Variants in TRIM33 observed in about 807,000 individuals in gnomAD.
TRIM33 encodes tripartite motif containing 33, also known as E3 ubiquitin-protein ligase TRIM33.
A neutral mutation model predicts 125.4 loss-of-function variants in TRIM33; 20 were observed. That is an observed-to-expected ratio of 0.16 (90% CI 0.11 to 0.23). The LOEUF is 0.23. Ranked by LOEUF, TRIM33 falls within the 10% of genes least tolerant of loss-of-function variation. TRIM33 has a pLI of 1.00. For synonymous variants in TRIM33, 564 were observed against 513.9 expected (o/e 1.10, Z -1.32); for missense variants, 920 against 1,411.4 (o/e 0.65, Z 5.58).
At chr1:114,403,379 T>G (rs1410348300) in intron 15 of TRIM33, among the ~76,000 whole-genome samples, 2 of 152,020 alleles carry the variant, frequency 1.3e-5, no homozygotes, top group Non-Finnish European at 2.9e-5. Flanking sequence ...TATATATACC[T>G]CCTTTTTTTT....
chr1:114,400,667 C>A (rs1440450839), intron 17 of TRIM33, among the ~76,000 whole-genome samples: 2 of 152,198 alleles, frequency 1.3e-5, no homozygotes, highest in Non-Finnish European at 2.9e-5. Flanking sequence ...AAATTCATTT[C>A]TCAGGCTACC....
At chr1:114,432,733 C>T (rs1455453476) in intron 5 of TRIM33, among the ~76,000 whole-genome samples, 1 of 152,038 alleles carries the variant, frequency 6.6e-6, no homozygotes, top group African/African-American at 2.4e-5. Context: ...TTGCAGTGAG[C>T]AGAGATTGTG....
At chr1:114,474,984 T>G (rs997226848) in intron 1 of TRIM33, among the ~76,000 whole-genome samples, 16 of 151,706 alleles carry the variant, frequency 1.1e-4, no homozygotes, top group African/African-American at 3.6e-4. Context: ...AGAGCAAAAT[T>G]TGTATAATAA....
intron 3 of TRIM33, 85 bp downstream of exon 3, chr1:114,463,327 A>G: frequency 6.4e-7 from 1 of 1,553,778 alleles, no homozygotes; most frequent in South Asian, 1.2e-5. Context: ...TCCAAAGTTT[A>G]TAAAGAATAA....
chr1:114,510,895 C>T lies in TRIM33; in HGVS notation c.182G>A (p.Gly61Glu). The T allele has an allele frequency of 7.0e-7, 1 of 1,429,450 alleles. No homozygotes were observed. The highest frequency in any genetic ancestry group is 1.5e-5 in the African/African-American group (1 of 66,784). The allele number at this position is 1,429,450 out of a possible 1,614,324, so 88.5% of individuals were successfully genotyped here. A position where few individuals can be genotyped will look rare whatever the true frequency, so the allele number is the denominator to read the frequency against. Residue 61 changes from glycine to glutamate, a missense_variant, in exon 1 of 20, where the codon GGG becomes GAG. Coordinates refer to ENST00000358465, the MANE Select transcript of TRIM33 (RefSeq NM_015906.4). Reference sequence around the variant, plus strand: ...CGCGGCCACCCCCCCGTCGTCGGGCCCGGCCGCGCCGCCCTCAGCGCCGGC... The same window carrying T: ...CGCGGCCACCCCCCCGTCGTCGGGCTCGGCCGCGCCGCCCTCAGCGCCGGC... ...GRAGAEGGAAGPDDGGVAAAS... is the reference protein window; with the variant it reads ...GRAGAEGGAAEPDDGGVAAAS...
At chr1:114,420,111 GATT>G (rs776073021) in intron 11 of TRIM33, among the ~76,000 whole-genome samples, 1 of 152,184 alleles carries the variant, frequency 6.6e-6, no homozygotes, top group Non-Finnish European at 1.5e-5. Flanking sequence ...AACGCTGGCA[GATT>G]ATATTTACGT....
At chr1:114,433,538 T>G (rs972848513) in intron 5 of TRIM33, 79 bp downstream of exon 5, 5 of 821,730 alleles carry the variant, frequency 6.1e-6, no homozygotes, top group Non-Finnish European at 9.8e-6. Flanking sequence ...ATGCTTAATA[T>G]AGCAGAAAAA....
intron 11 of TRIM33, among the ~76,000 whole-genome samples, chr1:114,414,274 A>T (rs1175574686): frequency 6.6e-6 from 1 of 152,158 alleles, no homozygotes; most frequent in Non-Finnish European, 1.5e-5. Flanking sequence ...TAGGTCATGT[A>T]CACTGATCCT....
chr1:114,483,701 C>G (rs1301739828), intron 1 of TRIM33, among the ~76,000 whole-genome samples: 1 of 151,992 alleles, frequency 6.6e-6, no homozygotes, highest in African/African-American at 2.4e-5. Flanking sequence ...TGTGAGCCAC[C>G]GTGCCCGGCC....
At chr1:114,487,641 T>C (rs948624841) in intron 1 of TRIM33, among the ~76,000 whole-genome samples, 7 of 151,852 alleles carry the variant, frequency 4.6e-5, no homozygotes, top group Non-Finnish European at 7.4e-5. Context: ...CTCACGCCTG[T>C]AATCCCAGCA....
Position 114,511,035 on chromosome 1 carries a change from G to T in TRIM33, c.42C>A (p.Gly14=), listed in dbSNP as rs1048174967. ...TTACCGGCGCGCTGCCGCTGCCCCCGCCGCCGCTCTCAGCCTCGCCGCCGC... is the reference window on the plus strand; with the variant it reads ...TTACCGGCGCGCTGCCGCTGCCCCCTCCGCCGCTCTCAGCCTCGCCGCCGC... The part of the protein sequence containing the change: ...NKGGGEAESG[G]GGSGSAPVTA... Residue 14 remains glycine, a synonymous_variant, in exon 1 of 20, where the codon GGC becomes GGA. Transcript: ENST00000358465. 1 of 1,316,128 alleles carries T rather than the reference G, an allele frequency of 7.6e-7. No homozygotes were observed. The highest frequency in any genetic ancestry group is 3.4e-5 in the East Asian group (1 of 29,104). The allele number at this position is 1,316,128 out of a possible 1,614,324, so 81.5% of individuals were successfully genotyped here.
intron 11 of TRIM33, among the ~76,000 whole-genome samples, chr1:114,420,049 G>A (rs930254731): frequency 7.2e-5 from 11 of 152,144 alleles, no homozygotes; most frequent in African/African-American, 2.7e-4. Context: ...GGTGACCCCG[G>A]ACTCCAAGAT....
chr1:114,424,240 CA>C (rs1647402148), intron 10 of TRIM33, among the ~76,000 whole-genome samples: 1 of 152,092 alleles, frequency 6.6e-6, no homozygotes, highest in Admixed American at 6.5e-5. Flanking sequence ...ATTAAAAGAG[CA>C]GAGCAGCATT....
chr1:114,492,699 A>G (rs148817943), intron 1 of TRIM33, among the ~76,000 whole-genome samples: 2 of 152,110 alleles, frequency 1.3e-5, no homozygotes, highest in Non-Finnish European at 2.9e-5. Flanking sequence ...TGTCTGTCTT[A>G]TTTCACTTAT....
chr1:114,455,827 C>A (rs971027158), intron 4 of TRIM33, among the ~76,000 whole-genome samples: 3 of 152,134 alleles, frequency 2.0e-5, no homozygotes, highest in African/African-American at 7.2e-5. Flanking sequence ...AGCAACCTGA[C>A]CTCAAATTGC....
chr1:114,421,186 T>C (rs1286488810), intron 11 of TRIM33, among the ~76,000 whole-genome samples: 1 of 152,032 alleles, frequency 6.6e-6, no homozygotes, highest in African/African-American at 2.4e-5. Flanking sequence ...GTCCATCTCA[T>C]AGAAACAGAG....
At chr1:114,500,485 T>C (rs992778142) in intron 1 of TRIM33, among the ~76,000 whole-genome samples, 1 of 152,058 alleles carries the variant, frequency 6.6e-6, no homozygotes, top group African/African-American at 2.4e-5. Context: ...ACTACAGGTA[T>C]GTACCACCAC....
At chr1:114,433,860 T>C (rs1221263526) in intron 4 of TRIM33, 127 bp from the exon 5 acceptor site, 2 of 548,058 alleles carry the variant, frequency 3.6e-6, no homozygotes, top group South Asian at 2.8e-5. Context: ...TGGCCACTCA[T>C]ACCTTATCTC....
intron 1 of TRIM33, among the ~76,000 whole-genome samples, chr1:114,484,462 C>T (rs1206165277): frequency 1.3e-5 from 2 of 152,174 alleles, no homozygotes; most frequent in Non-Finnish European, 2.9e-5. Context: ...CATGGTGGCT[C>T]ACACCTGTAA....
Sources: allele counts gnomAD v4.1 joint callset (sites outside exome capture counted in the v4.1 genomes callset), GRCh38; gene constraint gnomAD v4.1.1; transcripts MANE v1.5; gene names NCBI Gene and HGNC (gene_info 2026-07-23, HGNC 2026-07-21).